The following MYO3B variants were observed in gnomAD, a reference collection of about 807,000 sequenced individuals.
The protein encoded by MYO3B is myosin IIIB, also known as myosin-IIIb.
Under a neutral mutation model 174.6 loss-of-function variants are expected in MYO3B, and 156 were observed. The observed-to-expected ratio is 0.89, with a 90% confidence interval of 0.78 to 1.02. The LOEUF (loss-of-function observed/expected upper bound fraction) is 1.02. MYO3B is among the 50% of genes least tolerant of loss of function. The pLI, the probability that MYO3B is intolerant of heterozygous loss-of-function variation, is 0.00. For missense variants in MYO3B, 1,632 were observed against 1,639.4 expected (o/e 1.00, Z 0.08); for synonymous variants, 563 against 569.1 (o/e 0.99, Z 0.15).
intron 32 of MYO3B, among the ~76,000 whole-genome samples, chr2:170,568,148 C>T (rs776226681): frequency 2.6e-5 from 4 of 152,228 alleles, no homozygotes; most frequent in Non-Finnish European, 4.4e-5. Context: ...CATGACATGG[C>T]AAAGCCTGAA....
intron 32 of MYO3B, among the ~76,000 whole-genome samples, chr2:170,588,144 C>T (rs1693600113): frequency 6.6e-6 from 1 of 152,034 alleles, no homozygotes; most frequent in Admixed American, 6.6e-5. Context: ...TCAATAAACA[C>T]ACACAAGACA....
chr2:170,224,895 T>C (rs1437678668), intron 6 of MYO3B, among the ~76,000 whole-genome samples: 1 of 152,180 alleles, frequency 6.6e-6, no homozygotes, highest in African/African-American at 2.4e-5. Context: ...AATGCAGAAA[T>C]ATCGCAAGCT....
At chr2:170,592,686 ATCATGTACATTC>A (rs1693889631) in intron 32 of MYO3B, among the ~76,000 whole-genome samples, 1 of 152,114 alleles carries the variant, frequency 6.6e-6, no homozygotes, top group Admixed American at 6.5e-5. Flanking sequence ...CAGGGCAGGG[ATCATGTACATTC>A]TCTTTAGTGA....
intron 22 of MYO3B, among the ~76,000 whole-genome samples, chr2:170,418,285 T>G (rs988218786): frequency 9.2e-5 from 14 of 152,204 alleles, no homozygotes; most frequent in African/African-American, 3.4e-4. Context: ...CCTTCCTGTG[T>G]TATTTCTGAG....
rs2094496288 is a variant in MYO3B at position 170,404,238 on chromosome 2, T to C, written c.2278-9T>C. On this transcript the variant is annotated splice_polypyrimidine_tract_variant and intron_variant, in intron 19 of 34. Transcript: ENST00000408978. ...GGGCTGGAGAGAATCACAATCCATT[T>C]CCCTCCAGATGGAATATCAGAATGA... 1.3e-6 allele frequency: 2 copies of C among 1,592,400 alleles called. No homozygotes were observed. Among genetic ancestry groups the C allele is most frequent in the East Asian group, 4.5e-5 (2 of 44,534 alleles).
At position 170,196,932 on chromosome 2, in the gene MYO3B, A is replaced by G. The variant is rs937824315; in HGVS notation, c.3-2276A>G. ...ATTGGTAGCCATTGTTTCAGAGGTC[A>G]CAAGACATGCAACTTCCCCAATTAC... On this transcript the variant is annotated intron_variant, in intron 1 of 34. Transcript: ENST00000408978. 1.2e-4 allele frequency among the ~76,000 whole-genome samples: 19 copies of G among 152,262 alleles called. 1 individual carries two copies. The highest frequency in any genetic ancestry group is 4.6e-4 in the African/African-American group (19 of 41,558).
At chr2:170,625,382 A>G (rs532679524) in intron 32 of MYO3B, among the ~76,000 whole-genome samples, 1 of 152,256 alleles carries the variant, frequency 6.6e-6, no homozygotes, top group Admixed American at 6.5e-5. Flanking sequence ...CTCTGATGGT[A>G]GTTTGTATTT....
chr2:170,512,657 A>G (rs1255995003), intron 28 of MYO3B, among the ~76,000 whole-genome samples: 2 of 152,334 alleles, frequency 1.3e-5, no homozygotes, highest in Admixed American at 6.5e-5. Context: ...CAGCTAATCT[A>G]TGGGACCATT....
At chr2:170,448,514 C>T (rs921139362) in intron 23 of MYO3B, among the ~76,000 whole-genome samples, 1 of 152,168 alleles carries the variant, frequency 6.6e-6, no homozygotes, top group Non-Finnish European at 1.5e-5. Flanking sequence ...AACTGCTTTG[C>T]AGCTGTCTGC....
intron 8 of MYO3B, chr2:170,350,196 G>T (rs2094053693): frequency 6.6e-6 from 1 of 152,068 alleles, no homozygotes; most frequent in Admixed American, 6.5e-5. Context: ...ACTGGGTTTT[G>T]CCATGTTGCC....
At chr2:170,629,168 CTG>C (rs1314085784) in intron 32 of MYO3B, among the ~76,000 whole-genome samples, 1 of 152,216 alleles carries the variant, frequency 6.6e-6, no homozygotes, top group African/African-American at 2.4e-5. Flanking sequence ...TGGGCATAAA[CTG>C]TCAAAAGTTT....
At chr2:170,282,124 T>C (rs2093516080) in intron 7 of MYO3B, among the ~76,000 whole-genome samples, 1 of 152,206 alleles carries the variant, frequency 6.6e-6, no homozygotes, top group African/African-American at 2.4e-5. Flanking sequence ...ATTTGTCTAC[T>C]TTTGTTGTCA....
At chr2:170,594,687 A>G (rs1405328830) in intron 32 of MYO3B, among the ~76,000 whole-genome samples, 1 of 152,098 alleles carries the variant, frequency 6.6e-6, no homozygotes, top group African/African-American at 2.4e-5. Context: ...ACTGTGCTTC[A>G]AGCTAAGACT....
At chr2:170,415,165 GA>G (rs2094570234) in intron 22 of MYO3B, among the ~76,000 whole-genome samples, 1 of 152,196 alleles carries the variant, frequency 6.6e-6, no homozygotes, top group Non-Finnish European at 1.5e-5. Context: ...ATCCTGAGGT[GA>G]AAACCTTCTG....
intron 23 of MYO3B, among the ~76,000 whole-genome samples, chr2:170,462,057 T>C (rs1312055862): frequency 1.3e-5 from 2 of 152,082 alleles, no homozygotes; most frequent in African/African-American, 4.8e-5. Flanking sequence ...GCGGAGAGAG[T>C]ATAACACGCT....
intron 7 of MYO3B, among the ~76,000 whole-genome samples, chr2:170,265,706 G>A (rs747257310): frequency 5.9e-5 from 9 of 152,192 alleles, no homozygotes; most frequent in Non-Finnish European, 1.2e-4. Flanking sequence ...AAGAAAATTT[G>A]TGGTCCTACT....
intron 22 of MYO3B, among the ~76,000 whole-genome samples, chr2:170,419,752 C>A (rs544272391): frequency 6.6e-6 from 1 of 152,260 alleles, no homozygotes; most frequent in South Asian, 2.1e-4. Context: ...ACTCCCTCCG[C>A]CACACCTAGG....
intron 23 of MYO3B, among the ~76,000 whole-genome samples, chr2:170,453,449 C>CG (rs1308151224): frequency 1.1e-4 from 13 of 121,710 alleles, no homozygotes; most frequent in East Asian, 2.5e-4. Context: ...CACACACACA[C>CG]ACACGAGAGA....
chr2:170,502,745 G>T (rs1036383668), intron 28 of MYO3B, among the ~76,000 whole-genome samples: 2 of 152,192 alleles, frequency 1.3e-5, no homozygotes, highest in Non-Finnish European at 2.9e-5. Context: ...GGTAGACTCA[G>T]CAGCAGAGAG....
Sources: gnomAD v4.1 joint callset for allele counts (sites outside exome capture counted in the v4.1 genomes callset) on GRCh38, gnomAD v4.1.1 for gene constraint, MANE v1.5 for transcripts, NCBI Gene and HGNC (gene_info 2026-07-23, HGNC 2026-07-21) for gene names.